The following NELL2 variants were observed in gnomAD, a reference collection of about 807,000 sequenced individuals.
The protein encoded by NELL2 is protein kinase C-binding protein NELL2.
Under a neutral mutation model 109.6 loss-of-function variants are expected in NELL2, and 41 were observed. That is an observed-to-expected ratio of 0.37 (90% CI 0.29 to 0.49). NELL2 has a LOEUF of 0.49. Among genes scored for constraint, NELL2 ranks in the 20% least tolerant of loss-of-function variants. The pLI is 0.98. For synonymous variants in NELL2, 355 were observed against 344.7 expected (o/e 1.03, Z -0.33); for missense variants, 900 against 1,008.3 (o/e 0.89, Z 1.45).
chr12:44,909,768 C>T (rs1349500316), intron 1 of NELL2, among the ~76,000 whole-genome samples: 2 of 146,898 alleles, frequency 1.4e-5, no homozygotes, highest in African/African-American at 2.5e-5. Context: ...CACACACACA[C>T]ATATATATAC....
At chr12:44,514,597 A>G (rs1184748885) in intron 19 of NELL2, among the ~76,000 whole-genome samples, 2 of 151,688 alleles carry the variant, frequency 1.3e-5, no homozygotes, top group Admixed American at 1.3e-4. Context: ...GTAGGTATGT[A>G]TAGAAAAAAC....
At chr12:44,876,896 G>A (rs1456592814), upstream of NELL2, 7 of 1,272,938 alleles carry the variant, frequency 5.5e-6, no homozygotes, top group African/African-American at 7.6e-5. Context: ...GGGTGTCCTG[G>A]TGGAGAGGTT....
chr12:44,710,134 A>G (rs1383265809), intron 11 of NELL2, among the ~76,000 whole-genome samples: 1 of 152,206 alleles, frequency 6.6e-6, no homozygotes, highest in Non-Finnish European at 1.5e-5. Flanking sequence ...AACTAAAAAC[A>G]AAACCAAACT....
In NELL2 at chr12:44,774,731, T is replaced by C; in HGVS notation, c.994+16A>G. The C allele has an allele frequency of 6.3e-7, 1 of 1,596,284 alleles. No homozygotes were observed. The highest frequency in any genetic ancestry group is 8.6e-7 in the Non-Finnish European group (1 of 1,163,760). On this transcript the variant is annotated intron_variant, in intron 9 of 19. Coordinates refer to ENST00000429094, the MANE Select transcript of NELL2 (RefSeq NM_001145108.2). Reference sequence around the variant, plus strand: ...ATTTTTCCAAAGAAAGTATTCATCATAAAAGTTATGCTCACATTTGCATTC... The same window carrying C: ...ATTTTTCCAAAGAAAGTATTCATCACAAAAGTTATGCTCACATTTGCATTC...
intron 10 of NELL2, among the ~76,000 whole-genome samples, chr12:44,713,937 A>G (rs889758816): frequency 6.6e-6 from 1 of 151,982 alleles, no homozygotes; most frequent in Non-Finnish European, 1.5e-5. Context: ...AAAATTAACT[A>G]TCAAATAAAA....
intron 15 of NELL2, among the ~76,000 whole-genome samples, chr12:44,577,032 AT>A (rs1944116954): frequency 7.2e-6 from 1 of 138,098 alleles, no homozygotes; most frequent in African/African-American, 2.8e-5. Context: ...TTATAGCAGC[AT>A]GATTTATAGT....
At chr12:44,544,276 C>A (rs1422852959) in intron 15 of NELL2, among the ~76,000 whole-genome samples, 1 of 152,084 alleles carries the variant, frequency 6.6e-6, no homozygotes, top group Non-Finnish European at 1.5e-5. Context: ...TCATACCCAG[C>A]ATTCTACTGA....
At chr12:44,856,189 A>G (rs910408897) in intron 2 of NELL2, among the ~76,000 whole-genome samples, 1 of 152,204 alleles carries the variant, frequency 6.6e-6, no homozygotes, top group Non-Finnish European at 1.5e-5. Context: ...AAGCATATTA[A>G]TCTAACAAAT....
chr12:44,772,313 A>C (rs1941581719), intron 9 of NELL2, among the ~76,000 whole-genome samples: 1 of 152,172 alleles, frequency 6.6e-6, no homozygotes, highest in Non-Finnish European at 1.5e-5. Context: ...CATCATAGAC[A>C]TGTGTAACTA....
chr12:44,788,958 C>G (rs1942282096), intron 3 of NELL2, among the ~76,000 whole-genome samples: 4 of 152,046 alleles, frequency 2.6e-5, no homozygotes, highest in Admixed American at 2.6e-4. Flanking sequence ...GTTCACAACT[C>G]CATTGACGTG....
chr12:44,816,747 T>C (rs1943364585), intron 2 of NELL2, among the ~76,000 whole-genome samples: 1 of 152,202 alleles, frequency 6.6e-6, no homozygotes, highest in Admixed American at 6.5e-5. Context: ...ACGTAGAACT[T>C]AATTCCCATT....
intron 3 of NELL2, among the ~76,000 whole-genome samples, chr12:44,791,420 C>G (rs1419449425): frequency 6.7e-6 from 1 of 149,852 alleles, no homozygotes; most frequent in Non-Finnish European, 1.5e-5. Context: ...ACTTTGGGAA[C>G]TTGGGGGGAA....
chr12:44,571,215 T>C (rs978613479), intron 15 of NELL2, among the ~76,000 whole-genome samples: 2 of 152,040 alleles, frequency 1.3e-5, no homozygotes, highest in African/African-American at 2.4e-5. Flanking sequence ...GATGGTAGAG[T>C]AGTAAATGGG....
chr12:44,882,483 T>C (rs1202777573), intron 1 of NELL2, among the ~76,000 whole-genome samples: 4 of 151,400 alleles, frequency 2.6e-5, no homozygotes, highest in Admixed American at 2.0e-4. Context: ...TATATATACA[T>C]ACACACACAT....
chr12:44,524,714 A>C (rs1209130589), intron 16 of NELL2, among the ~76,000 whole-genome samples: 2 of 152,122 alleles, frequency 1.3e-5, no homozygotes, highest in African/African-American at 4.8e-5. Flanking sequence ...TTCCCACTTC[A>C]ACAAAACTAA....
At chr12:44,907,507 G>A (rs1945732931) in intron 1 of NELL2, among the ~76,000 whole-genome samples, 1 of 152,048 alleles carries the variant, frequency 6.6e-6, no homozygotes, top group Non-Finnish European at 1.5e-5. Context: ...GGAGTAATTG[G>A]TTACCTTGGC....
intron 13 of NELL2, among the ~76,000 whole-genome samples, chr12:44,657,943 T>C (rs1248956345): frequency 1.3e-5 from 2 of 152,200 alleles, no homozygotes; most frequent in Non-Finnish European, 2.9e-5. Flanking sequence ...TAAACATGCG[T>C]GTGCATGTGT....
chr12:44,635,618 C>A (rs1324177294), intron 13 of NELL2, among the ~76,000 whole-genome samples: 3 of 151,938 alleles, frequency 2.0e-5, no homozygotes, highest in Non-Finnish European at 2.9e-5. Context: ...ATTTCTGAGG[C>A]CTCTGTTCTG....
intron 2 of NELL2, among the ~76,000 whole-genome samples, chr12:44,843,749 T>C (rs925539450): frequency 6.6e-6 from 1 of 152,114 alleles, no homozygotes; most frequent in Non-Finnish European, 1.5e-5. Flanking sequence ...TGGCCTGGCG[T>C]GGTGGCTCAT....
Sources: allele counts gnomAD v4.1 joint callset (sites outside exome capture counted in the v4.1 genomes callset), GRCh38; gene constraint gnomAD v4.1.1; transcripts MANE v1.5; gene names NCBI Gene and HGNC (gene_info 2026-07-23, HGNC 2026-07-21).